SMARCA2: variants seen among roughly 807,000 people sequenced by gnomAD.
SMARCA2 encodes SWI/SNF related BAF chromatin remodeling complex subunit ATPase 2.
In SMARCA2, 61 loss-of-function variants were observed where a neutral mutation model predicts 199.8. The ratio of observed to expected loss-of-function variants is 0.31; its 90% CI spans 0.25 to 0.38. The LOEUF is 0.38. SMARCA2 is among the 10% of genes least tolerant of loss of function. SMARCA2 has a pLI of 1.00. For synonymous variants in SMARCA2, 935 were observed against 732.0 expected, an observed-to-expected ratio of 1.28 and a Z score of -4.48; for missense variants, 1,344 against 2,012.2, an observed-to-expected ratio of 0.67 and a Z score of 6.35.
intron 4 of SMARCA2, chr9:2,044,068 T>C (rs946884595): frequency 6.6e-6 from 1 of 152,178 alleles, no homozygotes; most frequent in African/African-American, 2.4e-5. Context: ...TTTCTGTCGA[T>C]AGAGAGCAAA....
At chr9:2,051,286 T>C (rs943429074) in intron 5 of SMARCA2, among the ~76,000 whole-genome samples, 2 of 152,216 alleles carry the variant, frequency 1.3e-5, no homozygotes, top group African/African-American at 2.4e-5. Flanking sequence ...TTTGTACTTC[T>C]TGCCTCCCTT....
At chr9:2,145,422 GA>G (rs1484076662) in intron 27 of SMARCA2, among the ~76,000 whole-genome samples, 4 of 152,102 alleles carry the variant, frequency 2.6e-5, no homozygotes, top group Middle Eastern at 3.4e-3. Context: ...ACAAGACTAA[GA>G]TGTGGGAATT....
intron 9 of SMARCA2, among the ~76,000 whole-genome samples, chr9:2,063,248 G>T (rs1214429407): frequency 6.6e-6 from 1 of 152,176 alleles, no homozygotes; most frequent in Non-Finnish European, 1.5e-5. Flanking sequence ...TCTCTTTTGC[G>T]GGGCTTTAAG....
intron 12 of SMARCA2, 103 bp downstream of exon 12, chr9:2,073,726 T>G: frequency 1.2e-6 from 1 of 833,852 alleles, no homozygotes; most frequent in Non-Finnish European, 2.0e-6. Context: ...TATCATTTCT[T>G]CCTCCAGGAT....
At position 2,016,826 on chromosome 9, in the gene SMARCA2, C is replaced by T. The variant is rs1293884811; in HGVS notation, c.-37+1422C>T. 6.6e-6 allele frequency among the ~76,000 whole-genome samples: 1 copy of T among 152,218 alleles called. No homozygotes were observed. Among genetic ancestry groups the T allele is most frequent in the African/African-American group, 2.4e-5 (1 of 41,456 alleles). On this transcript the variant is annotated intron_variant, in intron 1 of 33. Transcript: ENST00000349721. This position sits in a 1 kb window ranked among gnomAD's most constrained non-coding sequence, Gnocchi z 5.6. ...CCTTCCTTTGCTCTCCCCCTCCACC[C>T]GGCCGTCTTCCCTTCCTCCCGTTTG... is the stretch of plus-strand genomic sequence containing the variant.
At chr9:2,185,404 C>T (rs563590009) in intron 31 of SMARCA2, among the ~76,000 whole-genome samples, 29 of 152,216 alleles carry the variant, frequency 1.9e-4, no homozygotes, top group African/African-American at 5.8e-4. Context: ...GTTGCTTATC[C>T]ACTCATTTGT....
chr9:2,175,884 T>C (rs1826551044), intron 29 of SMARCA2, among the ~76,000 whole-genome samples: 1 of 152,046 alleles, frequency 6.6e-6, no homozygotes, highest in Admixed American at 6.6e-5. Flanking sequence ...TTTTGTTTGT[T>C]TGTTTGTTTT....
intron 1 of SMARCA2, among the ~76,000 whole-genome samples, chr9:2,026,099 C>T (rs1818816762): frequency 6.6e-6 from 1 of 152,116 alleles, no homozygotes; most frequent in Non-Finnish European, 1.5e-5. Context: ...TTTCCCAGGG[C>T]CCTAGAGTTG....
chr9:2,175,476 A>G (rs183161639), intron 29 of SMARCA2, among the ~76,000 whole-genome samples: 25 of 152,358 alleles, frequency 1.6e-4, no homozygotes, highest in African/African-American at 6.0e-4. Context: ...ACTTTTGTGT[A>G]ATGATTGTAT....
At chr9:2,173,392 G>T (rs1826363334) in intron 29 of SMARCA2, among the ~76,000 whole-genome samples, 1 of 152,192 alleles carries the variant, frequency 6.6e-6, no homozygotes, top group South Asian at 2.1e-4. Flanking sequence ...TACTGTAAAT[G>T]AGAGCGAGAG....
At chr9:2,062,532 C>G (rs1286068490) in intron 9 of SMARCA2, among the ~76,000 whole-genome samples, 1 of 152,120 alleles carries the variant, frequency 6.6e-6, no homozygotes, top group Non-Finnish European at 1.5e-5. Flanking sequence ...ATGATTATGC[C>G]TATATTTTTG....
At chr9:2,166,425 C>T (rs72691205) in intron 28 of SMARCA2, among the ~76,000 whole-genome samples, 2,514 of 152,210 alleles carry the variant, frequency 0.017, 35 homozygotes, top group Middle Eastern at 0.031. Flanking sequence ...CCCCCACTCC[C>T]CACCCCAGAA....
At chr9:2,091,403 C>A (rs549044329) in intron 19 of SMARCA2, among the ~76,000 whole-genome samples, 29 of 152,238 alleles carry the variant, frequency 1.9e-4, no homozygotes, top group African/African-American at 6.5e-4. Context: ...TTTAATTTGG[C>A]AAAATGTGTT....
chr9:2,070,306 T>C (rs1444966174), intron 9 of SMARCA2, 112 bp from the exon 10 acceptor site: 1 of 833,560 alleles, frequency 1.2e-6, no homozygotes, highest in Non-Finnish European at 2.0e-6. Flanking sequence ...TTAAGCTGTG[T>C]TAGATAATAA....
In SMARCA2 at chr9:2,033,312, GCAGTCT is replaced by G. The variant is rs1819159158; in HGVS notation, c.355+232_355+237del. The G allele has an allele frequency of 1.1e-5, 5 of 468,204 alleles. No individual in the cohort carries two copies. In the East Asian group the frequency reaches 1.9e-4, roughly 17 times the overall value. The allele number at this position is 468,204 out of a possible 1,614,324, so 29.0% of individuals were successfully genotyped here. On this transcript the variant is annotated intron_variant, in intron 3 of 33. Coordinates refer to ENST00000349721, the MANE Select transcript of SMARCA2 (RefSeq NM_003070.5). ...ATTTTACTAGCCACCATGTGTCCAA[GCAGTCT>G]GCAAAGAGCTCTATGTACTTTATCT...
At chr9:2,129,234 C>T (rs551859288) in intron 27 of SMARCA2, among the ~76,000 whole-genome samples, 8 of 152,158 alleles carry the variant, frequency 5.3e-5, no homozygotes, top group South Asian at 2.1e-4. Flanking sequence ...CTGGCTAACA[C>T]GGTGAAACCC....
chr9:2,113,177 A>G (rs768080785), intron 24 of SMARCA2, among the ~76,000 whole-genome samples: 7 of 152,208 alleles, frequency 4.6e-5, no homozygotes, highest in Non-Finnish European at 1.0e-4. Flanking sequence ...GGGATTTGAC[A>G]TAGGTTGACA....
chr9:2,140,089 A>T (rs1824392178), intron 27 of SMARCA2, among the ~76,000 whole-genome samples: 1 of 152,164 alleles, frequency 6.6e-6, no homozygotes, highest in Non-Finnish European at 1.5e-5. Context: ...TTTCCTTGCA[A>T]ATTAGTTGGG....
At chr9:2,073,698 C>A (rs1399647744) in intron 12 of SMARCA2, 75 bp downstream of exon 12, 3 of 1,133,208 alleles carry the variant, frequency 2.6e-6, no homozygotes, top group Non-Finnish European at 4.0e-6. Context: ...GAATGTAAGC[C>A]CGGGCCTTGG....
Sources: gnomAD v4.1 joint callset for allele counts (sites outside exome capture counted in the v4.1 genomes callset) on GRCh38, gnomAD v4.1.1 for gene constraint, Gnocchi (gnomAD v3.1) non-coding constraint, MANE v1.5 for transcripts, NCBI Gene and HGNC (gene_info 2026-07-23, HGNC 2026-07-21) for gene names.